The following TMEM87A variants were observed in gnomAD, a reference collection of about 807,000 sequenced individuals.
TMEM87A encodes Golgi-pH regulating cation channel.
Under a neutral mutation model 90.0 loss-of-function variants are expected in TMEM87A, and 50 were observed. The observed-to-expected ratio is 0.56, with a 90% confidence interval of 0.44 to 0.70. The LOEUF is 0.70. TMEM87A is among the 30% of genes least tolerant of loss of function. TMEM87A has a pLI of 0.00. For missense variants in TMEM87A, 577 were observed against 660.5 expected, an observed-to-expected ratio of 0.87 and a Z score of 1.39; for synonymous variants, 226 against 226.7, an observed-to-expected ratio of 1.00 and a Z score of 0.03.
intron 12 of TMEM87A, among the ~76,000 whole-genome samples, chr15:42,230,699 C>G (rs1595717080): frequency 1.3e-5 from 2 of 152,300 alleles, no homozygotes; most frequent in South Asian, 4.1e-4. Context: ...CAAGAAAACA[C>G]TCACTCCATA....
At chr15:42,224,922 G>T (rs1050265602) in intron 15 of TMEM87A, among the ~76,000 whole-genome samples, 1 of 152,004 alleles carries the variant, frequency 6.6e-6, no homozygotes, top group Non-Finnish European at 1.5e-5. Flanking sequence ...GGAAGGTAAC[G>T]CAAAAATTTT....
intron 15 of TMEM87A, among the ~76,000 whole-genome samples, chr15:42,222,842 G>A (rs1211712075): frequency 6.6e-6 from 1 of 152,210 alleles, no homozygotes; most frequent in Admixed American, 6.5e-5. Context: ...TTACAGGCAT[G>A]AGCCATAGCG....
intron 10 of TMEM87A, among the ~76,000 whole-genome samples, chr15:42,234,109 CCAAGATACCACCAT>C (rs2050733603): frequency 6.6e-6 from 1 of 152,116 alleles, no homozygotes; most frequent in Non-Finnish European, 1.5e-5. Context: ...AAAAACATCA[CCAAGATACCACCAT>C]CAAATCTAAA....
chr15:42,269,688 G>C (rs1373814403), intron 2 of TMEM87A, among the ~76,000 whole-genome samples: 1 of 152,104 alleles, frequency 6.6e-6, no homozygotes, highest in Non-Finnish European at 1.5e-5. Flanking sequence ...TGTAATCCCA[G>C]CACTTTGGGA....
rs552153583 is a variant in TMEM87A at position 42,244,056 on chromosome 15, A to G, written c.616T>C (p.Phe206Leu). The change falls in exon 7 of 20, where the codon TTT (phenylalanine) becomes CTT (leucine). Residue 206 changes from phenylalanine (F) to leucine (L), a missense_variant. Phe to Leu is a conservative substitution (Grantham distance 22). Coordinates refer to ENST00000389834, the MANE Select transcript of TMEM87A (RefSeq NM_015497.5). ...AAAAAAAAACTGAACTTACTGGTAAAAAGATTACTCAGTGAATTTTCTTTT... is the reference window on the plus strand; with the variant it reads ...AAAAAAAAACTGAACTTACTGGTAAGAAGATTACTCAGTGAATTTTCTTTT... The part of the protein sequence containing the change: ...SSKENSLSNL[F>L]TMTVEVKGPY... 33 of 1,561,076 alleles carry G rather than the reference A, an allele frequency of 2.1e-5. 1 individual carries two copies. In the East Asian group the frequency reaches 6.7e-4, roughly 32 times the overall value.
intron 14 of TMEM87A, 64 bp downstream of exon 14, chr15:42,227,647 T>A (rs960352721): frequency 2.7e-5 from 39 of 1,464,256 alleles, no homozygotes; most frequent in East Asian, 4.5e-5. Context: ...ACCTTACCAC[T>A]GTCATCAACA....
intron 1 of TMEM87A, chr15:42,272,839 A>C (rs772730457): frequency 2.6e-5 from 11 of 427,074 alleles, no homozygotes; most frequent in Middle Eastern, 3.4e-4. Context: ...CCAGGGACCA[A>C]GAAGTGCAGA....
chr15:42,222,208 G>A (rs575828197), intron 15 of TMEM87A, among the ~76,000 whole-genome samples: 1 of 152,256 alleles, frequency 6.6e-6, no homozygotes, highest in East Asian at 1.9e-4. Flanking sequence ...ACAGGCATGT[G>A]CCATCATGCC....
intron 19 of TMEM87A, among the ~76,000 whole-genome samples, chr15:42,213,367 C>T (rs652192): frequency 0.079 from 11,973 of 152,222 alleles, 1,270 homozygotes; most frequent in African/African-American, 0.22. Flanking sequence ...CAGCTCAGTG[C>T]AGAGTAAGCA....
At chr15:42,246,351 T>C (rs1468893854) in intron 6 of TMEM87A, among the ~76,000 whole-genome samples, 6 of 152,182 alleles carry the variant, frequency 3.9e-5, no homozygotes, top group Admixed American at 6.5e-5. Context: ...AACGTGCAGG[T>C]TTGTTACATA....
intron 6 of TMEM87A, among the ~76,000 whole-genome samples, chr15:42,244,997 G>A (rs2050945225): frequency 6.6e-6 from 1 of 151,560 alleles, no homozygotes; most frequent in African/African-American, 2.4e-5. Flanking sequence ...TTTTCCTGTG[G>A]AGCCATAGTT....
At chr15:42,226,093 A>C (rs576992138) in intron 15 of TMEM87A, among the ~76,000 whole-genome samples, 18 of 151,632 alleles carry the variant, frequency 1.2e-4, no homozygotes, top group South Asian at 4.2e-4. Flanking sequence ...TCTGCCTCCC[A>C]GGTTCAAGCG....
chr15:42,262,587 C>A (rs1443116335), intron 4 of TMEM87A, among the ~76,000 whole-genome samples: 2 of 151,974 alleles, frequency 1.3e-5, no homozygotes, highest in African/African-American at 4.8e-5. Context: ...CCATGCCCGG[C>A]TAATTTTTTT....
chr15:42,264,354 A>G (rs185694989), intron 3 of TMEM87A, 151 bp from the exon 4 acceptor site: 8 of 580,900 alleles, frequency 1.4e-5, no homozygotes, highest in Non-Finnish European at 2.1e-5. Context: ...GGCTCTATAT[A>G]AAAATATCTA....
rs1167187706 is a variant in TMEM87A at position 42,272,129 on chromosome 15, A to G, written c.145-6T>C. 1 of 1,601,018 alleles carries G rather than the reference A, an allele frequency of 6.2e-7. No homozygotes were observed. Among genetic ancestry groups the G allele is most frequent in the Non-Finnish European group, 8.5e-7 (1 of 1,172,512 alleles). On this transcript the variant is annotated splice_polypyrimidine_tract_variant and splice_region_variant and intron_variant, in intron 1 of 19. Coordinates refer to ENST00000389834, the MANE Select transcript of TMEM87A (RefSeq NM_015497.5). ...AAACTAAAATAATTTTTCCCCTGCA[A>G]ACATAAAGGAAAGATAATTAGCCTC...
At chr15:42,269,461 G>A (rs1439131399) in intron 2 of TMEM87A, among the ~76,000 whole-genome samples, 1 of 151,952 alleles carries the variant, frequency 6.6e-6, no homozygotes, top group African/African-American at 2.4e-5. Flanking sequence ...AGAATTTATG[G>A]AAATGATAAA....
rs1482335698 is a variant in TMEM87A, at chr15:42,238,001, ATATATG to A, written c.685-392_685-387del. ...AGCGAATGCTCTCATATGTATATAT[ATATATG>A]TGTGTGTGTGTGTGTGTGTGTGTGT... On this transcript the variant is annotated intron_variant, in intron 8 of 19. Transcript: ENST00000389834. Among the ~76,000 whole-genome samples, 3 of 5,984 alleles carry A rather than the reference ATATATG, an allele frequency of 5.0e-4. No individual in the cohort carries two copies. The Admixed American group carries it at 5.0e-3, about 10-fold the overall frequency. The allele number at this position is 5,984 out of a possible 152,430, so 3.9% of individuals were successfully genotyped here.
Position 42,219,525 on chromosome 15 carries a change from A to C in TMEM87A, c.1539+56T>G, listed in dbSNP as rs139673284. The C allele has an allele frequency of 2.9e-6, 4 of 1,391,350 alleles. No individual in the cohort carries two copies. In the East Asian group the frequency reaches 9.6e-5, roughly 33 times the overall value. The allele number at this position is 1,391,350 out of a possible 1,614,324, so 86.2% of individuals were successfully genotyped here. A position where few individuals can be genotyped will look rare whatever the true frequency, so the allele number is the denominator to read the frequency against. On this transcript the variant is annotated intron_variant, in intron 17 of 19. Transcript: ENST00000389834. ...CCTCCTGTTTTCTTCTAGTAGTTCT[A>C]CTAAGGGTTGGAAGATGGGACAAAG...
intron 11 of TMEM87A, among the ~76,000 whole-genome samples, chr15:42,232,287 T>C (rs1452593746): frequency 6.6e-6 from 1 of 152,170 alleles, no homozygotes; most frequent in East Asian, 1.9e-4. Flanking sequence ...AATGGCATGA[T>C]CATGGCTCAC....
Sources: gnomAD v4.1 joint callset for allele counts (sites outside exome capture counted in the v4.1 genomes callset) on GRCh38, gnomAD v4.1.1 for gene constraint, MANE v1.5 for transcripts, NCBI Gene and HGNC (gene_info 2026-07-23, HGNC 2026-07-21) for gene names.